CDH23: variants seen among roughly 807,000 people sequenced by gnomAD.
CDH23 encodes the protein cadherin related 23, also known as cadherin-23.
CDH23 carries 189 observed loss-of-function variants against 317.1 expected under a neutral mutation model. That is an observed-to-expected ratio of 0.60 (90% CI 0.53 to 0.67). The LOEUF is 0.67. Among genes scored for constraint, CDH23 ranks in the 30% least tolerant of loss-of-function variants. The pLI, the probability that CDH23 is intolerant of heterozygous loss-of-function variation, is 0.00. For missense variants in CDH23, 4,401 were observed against 4,592.4 expected (o/e 0.96, Z 1.20); for synonymous variants, 1,839 against 1,876.8 (o/e 0.98, Z 0.52).
intron 69 of CDH23, among the ~76,000 whole-genome samples, chr10:71,814,693 C>CACAT (rs553558306): frequency 8.3e-6 from 1 of 120,224 alleles, no homozygotes; most frequent in African/African-American, 2.9e-5. Flanking sequence ...CACACACACA[C>CACAT]AATTTTCACA....
At position 71,397,428 on chromosome 10, in the gene CDH23, C is replaced by G. The variant is rs1187454629; in HGVS notation, c.-6+110C>G. 2.6e-5 allele frequency: 4 copies of G among 151,878 alleles called. No homozygotes were observed. Among genetic ancestry groups the G allele is most frequent in the African/African-American group, 9.7e-5 (4 of 41,294 alleles). 9.4% of individuals were successfully genotyped at this position (151,878 alleles called of 1,614,324 possible). On this transcript the variant is annotated intron_variant, in intron 1 of 69. Transcript: ENST00000224721. This position sits in a 1 kb window ranked among gnomAD's most constrained non-coding sequence, Gnocchi z 4.8. ...GGTGGTGACCGCGGCTGCCGAACCACTTGTTCCCAGCGCGGCCATCGCCCG... is the reference window on the plus strand; with the variant it reads ...GGTGGTGACCGCGGCTGCCGAACCAGTTGTTCCCAGCGCGGCCATCGCCCG...
intron 44 of CDH23, among the ~76,000 whole-genome samples, chr10:71,786,523 A>C (rs1589420699): frequency 5.2e-5 from 6 of 116,146 alleles, no homozygotes; most frequent in East Asian, 2.5e-4. Context: ...ACAGAGTCTC[A>C]CTCTGTCACC....
intron 1 of CDH23, 34 bp from the exon 2 acceptor site, chr10:71,439,793 C>G: frequency 7.3e-6 from 11 of 1,509,424 alleles, no homozygotes; most frequent in African/African-American, 1.4e-5. Flanking sequence ...ACCCAGGAAG[C>G]TTCTCACCCT....
chr10:71,400,098 T>A (rs1439113142), intron 1 of CDH23, among the ~76,000 whole-genome samples: 3 of 152,280 alleles, frequency 2.0e-5, no homozygotes, highest in East Asian at 3.9e-4. Flanking sequence ...GGACTGGACA[T>A]CCCACTTCTA....
Position 71,531,463 on chromosome 10 carries a change from T to C in CDH23, c.429+20251T>C, listed in dbSNP as rs35176349. Among the ~76,000 whole-genome samples the C allele has an allele frequency of 3.5e-3, 527 of 152,336 alleles. 4 individuals are homozygous for C. Among genetic ancestry groups the C allele is most frequent in the Non-Finnish European group, 5.7e-3 (390 of 68,026 alleles). ...TCTAAGATGCCCATTTGCCCCTTAT[T>C]TTAAAATATATGCAGTTGAAATGTG... On this transcript the variant is annotated intron_variant, in intron 6 of 69. Coordinates refer to ENST00000224721, the MANE Select transcript of CDH23 (RefSeq NM_022124.6).
chr10:71,631,341 C>T (rs1358571724), intron 11 of CDH23, among the ~76,000 whole-genome samples: 2 of 152,096 alleles, frequency 1.3e-5, no homozygotes, highest in Non-Finnish European at 2.9e-5. Flanking sequence ...ACTGGGCAGC[C>T]CCAGGACACC....
intron 6 of CDH23, among the ~76,000 whole-genome samples, chr10:71,520,587 G>C (rs1002678981): frequency 2.0e-5 from 3 of 152,228 alleles, no homozygotes; most frequent in Non-Finnish European, 2.9e-5. Flanking sequence ...TGCTTTCCCA[G>C]GTAAGGCCTG....
intron 11 of CDH23, 143 bp downstream of exon 11, chr10:71,617,536 G>C: frequency 1.4e-6 from 2 of 1,478,628 alleles, no homozygotes; most frequent in Non-Finnish European, 1.8e-6. Flanking sequence ...GATAAATAAG[G>C]CTGAAAAAAA....
intron 9 of CDH23, among the ~76,000 whole-genome samples, chr10:71,580,240 G>A (rs1411427630): frequency 6.6e-6 from 1 of 152,230 alleles, no homozygotes; most frequent in Non-Finnish European, 1.5e-5. Context: ...TGGTGTCTGG[G>A]CTGGACTCTG....
intron 30 of CDH23, among the ~76,000 whole-genome samples, chr10:71,726,257 A>G (rs1050307211): frequency 1.1e-4 from 16 of 151,990 alleles, no homozygotes; most frequent in African/African-American, 3.6e-4. Flanking sequence ...GACCCCAGAC[A>G]TCAGGAGTAG....
chr10:71,649,131 A>G (rs1477210011), intron 14 of CDH23, among the ~76,000 whole-genome samples: 1 of 151,910 alleles, frequency 6.6e-6, no homozygotes, highest in Non-Finnish European at 1.5e-5. Context: ...CAGTCTCCCC[A>G]GGGTGTTTCC....
intron 3 of CDH23, among the ~76,000 whole-genome samples, chr10:71,489,594 G>GT: frequency 7.1e-6 from 1 of 139,882 alleles, no homozygotes; most frequent in Admixed American, 7.2e-5. Context: ...AGTGCCTCGG[G>GT]GTGTGTGTGT....
At chr10:71,545,267 G>T (rs868558544) in intron 6 of CDH23, among the ~76,000 whole-genome samples, 7 of 152,204 alleles carry the variant, frequency 4.6e-5, no homozygotes, top group Admixed American at 1.3e-4. Context: ...CGGCAGGGGA[G>T]GGGGAGGACA....
intron 14 of CDH23, among the ~76,000 whole-genome samples, chr10:71,670,607 C>T (rs943102339): frequency 2.6e-5 from 4 of 152,078 alleles, no homozygotes; most frequent in African/African-American, 9.7e-5. Flanking sequence ...GATAGAGGAA[C>T]CAGCAATGAG....
chr10:71,778,201 G>T lies in CDH23; in HGVS notation c.5080G>T (p.Ala1694Ser). Residue 1694 changes from alanine to serine, a missense_variant, in exon 40 of 70, where the codon GCT becomes TCT. Coordinates refer to ENST00000224721, the MANE Select transcript of CDH23 (RefSeq NM_022124.6). ...CTGTGTCCCCCAGGGTGTCATCACT[G>T]CTGCCAAAGAGCTGGACTACGAGAT... is the stretch of plus-strand genomic sequence containing the variant. The part of the protein sequence containing the change: ...RIDRHMGVIT[A>S]AKELDYEISH... 3.7e-6 allele frequency: 6 copies of T among 1,613,846 alleles called. No homozygotes were observed. The highest frequency in any genetic ancestry group is 4.2e-6 in the Non-Finnish European group (5 of 1,179,844).
At chr10:71,526,315 C>T (rs185152186) in intron 6 of CDH23, among the ~76,000 whole-genome samples, 28 of 152,332 alleles carry the variant, frequency 1.8e-4, no homozygotes, top group Admixed American at 5.2e-4. Context: ...CAGCATCCAG[C>T]GCTCACCTGT....
rs571680855 is a variant in CDH23, at chr10:71,530,437, C to G, written c.429+19225C>G. Among the ~76,000 whole-genome samples the G allele has an allele frequency of 1.1e-4, 16 of 152,348 alleles. No individual in the cohort carries two copies. In the East Asian group the frequency reaches 3.1e-3, roughly 29 times the overall value. On this transcript the variant is annotated intron_variant, in intron 6 of 69. Coordinates refer to ENST00000224721, the MANE Select transcript of CDH23 (RefSeq NM_022124.6). ...CCTCTGCAGACTGCCAAGCCGTTCT[C>G]CACCCGCCGCCTGGCCTGAAGCACC...
chr10:71,789,787 G>A (rs764090177), intron 45 of CDH23, among the ~76,000 whole-genome samples: 6 of 152,240 alleles, frequency 3.9e-5, no homozygotes, highest in African/African-American at 1.4e-4. Context: ...AGGCACACGA[G>A]TGCACAACCA....
At chr10:71,633,413 T>TACAC (rs2132558310) in intron 11 of CDH23, among the ~76,000 whole-genome samples, 1 of 152,104 alleles carries the variant, frequency 6.6e-6, no homozygotes, top group South Asian at 2.1e-4. Flanking sequence ...CCAATACACA[T>TACAC]ACACGCCCCA....
Sources: allele counts gnomAD v4.1 joint callset (sites outside exome capture counted in the v4.1 genomes callset), GRCh38; gene constraint gnomAD v4.1.1; non-coding constraint Gnocchi (gnomAD v3.1); transcripts MANE v1.5; gene names NCBI Gene and HGNC (gene_info 2026-07-23, HGNC 2026-07-21).